The following KCTD1 variants were observed in gnomAD, a reference collection of about 807,000 sequenced individuals.
KCTD1 encodes BTB/POZ domain-containing protein KCTD1.
KCTD1 carries 24 observed loss-of-function variants against 66.0 expected under a neutral mutation model. The observed-to-expected ratio is 0.36, with a 90% CI of 0.26 to 0.51. The LOEUF (loss-of-function observed/expected upper bound fraction) is 0.51, where lower values mean the gene tolerates loss of function less well. Among genes scored for constraint, KCTD1 ranks in the 20% least tolerant of loss-of-function variants. The pLI, the probability that KCTD1 is intolerant of heterozygous loss-of-function variation, is 0.95. For synonymous variants in KCTD1, 511 were observed against 517.2 expected, an observed-to-expected ratio of 0.99 and a Z score of 0.16; for missense variants, 943 against 1,205.2, an observed-to-expected ratio of 0.78 and a Z score of 3.22.
upstream of KCTD1, among the ~76,000 whole-genome samples, chr18:26,551,263 C>T (rs773156512): frequency 2.0e-5 from 3 of 152,114 alleles, no homozygotes; most frequent in Non-Finnish European, 2.9e-5. Flanking sequence ...ACAAAATATC[C>T]CCCAGGGCAG....
Position 26,622,271 on chromosome 18 carries a change from T to C in KCTD1, c.-16+6876A>G, listed in dbSNP as rs779950035. ...AGAAGAGGAGGTGCAAAGGCATGGG[T>C]TGGTAAAGAGGTACCTCATTTTGAG... On this transcript the variant is annotated intron_variant, in intron 1 of 4. Coordinates refer to the KCTD1 transcript ENST00000317932. 1.1e-3 allele frequency among the ~76,000 whole-genome samples: 173 copies of C among 152,224 alleles called. 1 individual carries two copies. The highest frequency in any genetic ancestry group is 1.8e-3 in the Non-Finnish European group (119 of 67,996).
At chr18:26,512,167 G>A (rs1244693117) in intron 1 of KCTD1, among the ~76,000 whole-genome samples, 3 of 151,856 alleles carry the variant, frequency 2.0e-5, no homozygotes, top group Non-Finnish European at 2.9e-5. Context: ...GCAGTAGCGC[G>A]ATCTTGGCTT....
chr18:26,483,159 G>GTA (rs1213555455), intron 2 of KCTD1, among the ~76,000 whole-genome samples: 3 of 152,240 alleles, frequency 2.0e-5, no homozygotes, highest in African/African-American at 7.2e-5. Flanking sequence ...AACTGGAAAA[G>GTA]TATAGACGGT....
At chr18:26,584,610 A>G (rs1345781804) in intron 1 of KCTD1, among the ~76,000 whole-genome samples, 1 of 152,178 alleles carries the variant, frequency 6.6e-6, no homozygotes. Flanking sequence ...AGGTATCATG[A>G]CAAATGAGAC....
At chr18:26,480,850 C>T (rs990846059) in intron 2 of KCTD1, among the ~76,000 whole-genome samples, 2 of 152,144 alleles carry the variant, frequency 1.3e-5, no homozygotes, top group Admixed American at 6.6e-5. Flanking sequence ...AAACCAAGCC[C>T]ATTTGGTGGG....
chr18:26,502,745 T>G (rs3893677), intron 1 of KCTD1, among the ~76,000 whole-genome samples: 77,404 of 152,030 alleles, frequency 0.51, 20,748 homozygotes, highest in Non-Finnish European at 0.6. Flanking sequence ...GATTTATAAT[T>G]TTAGCCAAAG....
rs978926179 is a variant in KCTD1, at chr18:26,546,855, T to C, written c.1682A>G (p.Glu561Gly). 53 of 1,511,024 alleles carry C rather than the reference T, an allele frequency of 3.5e-5. No homozygotes were observed. Among genetic ancestry groups the C allele is most frequent in the Admixed American group, 9.1e-5 (4 of 43,918 alleles). 93.6% of individuals were successfully genotyped at this position (1,511,024 alleles called of 1,614,324 possible). A position where few individuals can be genotyped will look rare whatever the true frequency, so the allele number is the denominator to read the frequency against. Residue 561 changes from glutamate to glycine, a missense_variant, in exon 1 of 5, where the codon GAG (glutamate) becomes GGG (glycine). Coordinates refer to ENST00000580059, the MANE Select transcript of KCTD1 (RefSeq NM_001142730.3). ...AACCACCACCACCGCATCCACAGGC[T>C]CCGAGGGGCGGATACAAAGTCTTTT... ...SPKRLCIRPS[E>G]PVDAVVVVSV...
chr18:26,539,233 CA>C (rs1423233111), intron 1 of KCTD1, among the ~76,000 whole-genome samples: 3 of 152,188 alleles, frequency 2.0e-5, no homozygotes, highest in Non-Finnish European at 2.9e-5. Flanking sequence ...AGTGAATCAA[CA>C]TCTATGACCC....
At chr18:26,656,042 G>A (rs1272146492) in intron 1 of KCTD1, among the ~76,000 whole-genome samples, 1 of 152,188 alleles carries the variant, frequency 6.6e-6, no homozygotes, top group Admixed American at 6.5e-5. Context: ...AGTGGGTAGG[G>A]GGGCGGCGGC....
chr18:26,554,074 T>A (rs1985643534), intron 1 of KCTD1, among the ~76,000 whole-genome samples: 1 of 122,826 alleles, frequency 8.1e-6, no homozygotes, highest in East Asian at 3.3e-4. Flanking sequence ...AGAAAGAATC[T>A]TCAATAATTC....
chr18:26,612,847 G>A (rs374267375), intron 1 of KCTD1, among the ~76,000 whole-genome samples: 43 of 152,204 alleles, frequency 2.8e-4, no homozygotes, highest in African/African-American at 9.9e-4. Context: ...TCATTTTTTC[G>A]TTGCTTGACA....
At chr18:26,604,568 A>G (rs1376462353) in intron 1 of KCTD1, among the ~76,000 whole-genome samples, 3 of 152,230 alleles carry the variant, frequency 2.0e-5, no homozygotes, top group Admixed American at 2.0e-4. Context: ...AGCCATAAAA[A>G]ATGAGATCAT....
upstream of KCTD1, among the ~76,000 whole-genome samples, chr18:26,642,599 T>G (rs1165672685): frequency 1.3e-5 from 2 of 152,058 alleles, no homozygotes; most frequent in Non-Finnish European, 2.9e-5. Flanking sequence ...TTTCCCTAAG[T>G]CATTCAAAAA....
chr18:26,485,074 C>A (rs912232159), intron 2 of KCTD1, among the ~76,000 whole-genome samples: 1 of 152,150 alleles, frequency 6.6e-6, no homozygotes, highest in African/African-American at 2.4e-5. Context: ...GACCCATAGA[C>A]CTGGGTTTGA....
rs571110135 is a variant in KCTD1 at position 26,465,996 on chromosome 18, G to T, written c.2134-6071C>A. On this transcript the variant is annotated intron_variant, in intron 3 of 4. Transcript: ENST00000580059. ...ATGTCCTGAGTAGGCACTCCCGCAG[G>T]TACCAGTGAAGAAACTCTGGCGAGT... Among the ~76,000 whole-genome samples the T allele has an allele frequency of 3.9e-3, 589 of 151,866 alleles. 3 individuals are homozygous for T. The highest frequency in any genetic ancestry group is 0.014 in the African/African-American group (560 of 41,350).
chr18:26,567,485 GTTGTTTTT>G (rs1986009350), intron 1 of KCTD1, among the ~76,000 whole-genome samples: 2 of 118,044 alleles, frequency 1.7e-5, no homozygotes, highest in South Asian at 5.3e-4. Flanking sequence ...TTCTGTTGTT[GTTGTTTTT>G]TTTTTTTTTT....
intron 1 of KCTD1, among the ~76,000 whole-genome samples, chr18:26,526,718 A>C (rs1285901950): frequency 6.6e-6 from 1 of 152,244 alleles, no homozygotes; most frequent in African/African-American, 2.4e-5. Context: ...TCAACACTTG[A>C]AAATGCTGAG....
intron 3 of KCTD1, among the ~76,000 whole-genome samples, chr18:26,471,489 T>C (rs1052336771): frequency 1.3e-5 from 2 of 151,972 alleles, no homozygotes; most frequent in African/African-American, 4.8e-5. Context: ...CAAGAGAAAG[T>C]CCCTGCAGAA....
chr18:26,489,869 A>G (rs1292061834), intron 2 of KCTD1, among the ~76,000 whole-genome samples: 1 of 152,218 alleles, frequency 6.6e-6, no homozygotes, highest in Non-Finnish European at 1.5e-5. Context: ...TTAACGTTGT[A>G]AGAGATTATC....
Sources: gnomAD v4.1 joint callset for allele counts (sites outside exome capture counted in the v4.1 genomes callset) on GRCh38, gnomAD v4.1.1 for gene constraint, MANE v1.5 for transcripts, NCBI Gene and HGNC (gene_info 2026-07-23, HGNC 2026-07-21) for gene names.